Variants in FRMD4A observed in about 807,000 individuals in gnomAD.
FRMD4A encodes the protein FERM domain containing 4A.
A neutral mutation model predicts 129.1 loss-of-function variants in FRMD4A; 29 were observed. The observed-to-expected ratio is 0.22, with a 90% CI of 0.17 to 0.31. The LOEUF (loss-of-function observed/expected upper bound fraction) is 0.31, where lower values mean the gene tolerates loss of function less well. FRMD4A is among the 10% of genes least tolerant of loss of function. The probability of loss-of-function intolerance (pLI) is 1.00; values close to 1 mark genes in which losing one functional copy is unlikely to be tolerated. For missense variants in FRMD4A, 1,272 were observed against 1,375.8 expected (o/e 0.92, Z 1.19); for synonymous variants, 634 against 571.6 (o/e 1.11, Z -1.56).
intron 2 of FRMD4A, among the ~76,000 whole-genome samples, chr10:14,220,288 C>T (rs1014116737): frequency 2.6e-5 from 4 of 152,218 alleles, no homozygotes; most frequent in African/African-American, 9.6e-5. Flanking sequence ...GTTTATATGG[C>T]CCCACTTCGG....
intron 8 of FRMD4A, among the ~76,000 whole-genome samples, chr10:13,751,180 G>A (rs1449029389): frequency 1.3e-5 from 2 of 152,166 alleles, no homozygotes; most frequent in Non-Finnish European, 2.9e-5. Context: ...ACTCCAGGAG[G>A]AAGGGATCGT....
At chr10:14,325,005 GCC>G (rs1564466214) in intron 2 of FRMD4A, among the ~76,000 whole-genome samples, 1 of 152,188 alleles carries the variant, frequency 6.6e-6, no homozygotes, top group Non-Finnish European at 1.5e-5. Context: ...TCTTGGGCAA[GCC>G]CTTTGACTTC....
intron 2 of FRMD4A, among the ~76,000 whole-genome samples, chr10:14,113,525 A>G (rs1838036559): frequency 6.6e-6 from 1 of 152,188 alleles, no homozygotes; most frequent in African/African-American, 2.4e-5. Context: ...GCTTCTGGTG[A>G]AGATCAACAG....
intron 2 of FRMD4A, among the ~76,000 whole-genome samples, chr10:14,218,089 C>G (rs974346353): frequency 1.3e-5 from 2 of 152,220 alleles, no homozygotes; most frequent in African/African-American, 4.8e-5. Context: ...CTGGGCCTCC[C>G]AAAGTGCTGG....
intron 2 of FRMD4A, among the ~76,000 whole-genome samples, chr10:14,156,127 A>C (rs1451137234): frequency 6.6e-6 from 1 of 152,200 alleles, no homozygotes; most frequent in Non-Finnish European, 1.5e-5. Flanking sequence ...AAAATGGGAA[A>C]TGTCCACTCA....
chr10:13,741,315 G>C (rs2090994292), intron 9 of FRMD4A, among the ~76,000 whole-genome samples: 1 of 152,112 alleles, frequency 6.6e-6, no homozygotes, highest in African/African-American at 2.4e-5. Flanking sequence ...GCCAGGCATG[G>C]TGGGGTATGC....
At chr10:13,962,038 C>CGAATGAATGAATGAAT (rs57314404) in intron 2 of FRMD4A, among the ~76,000 whole-genome samples, 3 of 128,416 alleles carry the variant, frequency 2.3e-5, no homozygotes, top group Non-Finnish European at 5.2e-5. Context: ...CAAAAACACA[C>CGAATGAATGAATGAAT]GAATGAATGA....
intron 6 of FRMD4A, among the ~76,000 whole-genome samples, chr10:13,780,802 GA>G (rs1478549524): frequency 5.9e-5 from 9 of 152,150 alleles, no homozygotes; most frequent in Admixed American, 4.6e-4. Flanking sequence ...ATGAAAAATA[GA>G]AGTACCCTAT....
chr10:13,965,019 T>C (rs2095476370), intron 2 of FRMD4A, among the ~76,000 whole-genome samples: 1 of 151,684 alleles, frequency 6.6e-6, no homozygotes, highest in African/African-American at 2.4e-5. Context: ...TTCCCCTCTG[T>C]TAAATTTCCT....
chr10:13,647,994 G>A (rs1266800435), intron 24 of FRMD4A: 1 of 149,994 alleles, frequency 6.7e-6, no homozygotes, highest in Non-Finnish European at 1.5e-5. Context: ...GAGCGGGTGA[G>A]TTTTAGGAGC....
intron 5 of FRMD4A, among the ~76,000 whole-genome samples, chr10:13,785,936 A>G (rs1257146291): frequency 1.3e-5 from 2 of 152,076 alleles, no homozygotes; most frequent in Non-Finnish European, 2.9e-5. Flanking sequence ...CCATGTCCCT[A>G]CAAAGCACAT....
intron 2 of FRMD4A, among the ~76,000 whole-genome samples, chr10:14,260,845 G>A (rs1179193414): frequency 6.6e-6 from 1 of 152,186 alleles, no homozygotes; most frequent in African/African-American, 2.4e-5. Context: ...CTTCCCCAAG[G>A]ACCAAAGCAA....
At chr10:14,228,628 CT>C (rs1272728667) in intron 2 of FRMD4A, among the ~76,000 whole-genome samples, 1 of 152,174 alleles carries the variant, frequency 6.6e-6, no homozygotes, top group Non-Finnish European at 1.5e-5. Flanking sequence ...GACTTTTAAC[CT>C]GCAGCAAAAG....
At chr10:13,649,711 A>G (rs897312820) in intron 24 of FRMD4A, 2 of 152,148 alleles carry the variant, frequency 1.3e-5, no homozygotes, top group African/African-American at 4.8e-5. Flanking sequence ...TGGGGAAGAG[A>G]CCCTTGTTCT....
chr10:13,818,013 T>C (rs1201506121), intron 3 of FRMD4A, among the ~76,000 whole-genome samples: 1 of 152,198 alleles, frequency 6.6e-6, no homozygotes, highest in Non-Finnish European at 1.5e-5. Context: ...ACTTATATAT[T>C]ATGCCACCAA....
chr10:14,105,953 G>T (rs1489992069), intron 2 of FRMD4A, among the ~76,000 whole-genome samples: 1 of 152,060 alleles, frequency 6.6e-6, no homozygotes, highest in Non-Finnish European at 1.5e-5. Context: ...TATATGTCTG[G>T]TTTGCTCTCT....
chr10:14,176,466 CTTTTTT>C (rs35347674), intron 2 of FRMD4A, among the ~76,000 whole-genome samples: 1 of 72,832 alleles, frequency 1.4e-5, no homozygotes, highest in African/African-American at 5.1e-5. Flanking sequence ...TCACCTCCAT[CTTTTTT>C]TTTTTTTTTT....
intron 2 of FRMD4A, among the ~76,000 whole-genome samples, chr10:14,290,770 A>G (rs895853514): frequency 8.5e-5 from 13 of 152,102 alleles, no homozygotes; most frequent in African/African-American, 3.1e-4. Context: ...ATAGCAAAGG[A>G]TACTCAAACA....
At chr10:14,305,579 C>G (rs1846322801) in intron 2 of FRMD4A, among the ~76,000 whole-genome samples, 1 of 152,160 alleles carries the variant, frequency 6.6e-6, no homozygotes, top group African/African-American at 2.4e-5. Context: ...CTGTTGGACT[C>G]TTCTTGGTGG....
Sources: allele counts gnomAD v4.1 joint callset (sites outside exome capture counted in the v4.1 genomes callset), GRCh38; gene constraint gnomAD v4.1.1; transcripts MANE v1.5; gene names NCBI Gene and HGNC (gene_info 2026-07-23, HGNC 2026-07-21).